LIMS4: variants seen among roughly 807,000 people sequenced by gnomAD.
LIMS4 encodes LIM and senescent cell antigen-like-containing domain protein 4.
the LIMS4 span, among the ~76,000 whole-genome samples, chr2:110,379,000 A>G: frequency 6.7e-6 from 1 of 148,262 alleles, no homozygotes; most frequent in African/African-American, 2.6e-5. Context: ...ACACACACAC[A>G]CAATTTATAC....
chr2:110,456,829 CT>C (rs1688286847), intron 3 of LIMS4, among the ~76,000 whole-genome samples, 200 bp downstream of exon 3: 1 of 104,410 alleles, frequency 9.6e-6, no homozygotes, highest in Middle Eastern at 3.4e-3. Flanking sequence ...ACTGGGATTA[CT>C]GGCACCTGCC....
chr2:110,391,199 G>A, the LIMS4 span, among the ~76,000 whole-genome samples: 1 of 151,404 alleles, frequency 6.6e-6, no homozygotes, highest in African/African-American at 2.5e-5. Context: ...TCCACTGTAT[G>A]ATGGCCCCAC....
the LIMS4 span, among the ~76,000 whole-genome samples, chr2:110,372,477 T>A: frequency 7.2e-6 from 1 of 138,298 alleles, no homozygotes; most frequent in Admixed American, 6.9e-5. Flanking sequence ...GGTGAGGACA[T>A]GGTCCTTGCA....
At chr2:110,424,780 G>A in the LIMS4 span, among the ~76,000 whole-genome samples, 1 of 143,946 alleles carries the variant, frequency 6.9e-6, no homozygotes, top group Non-Finnish European at 1.5e-5. Context: ...CAAGAGGATT[G>A]TAAAATGCAC....
chr2:110,396,169 T>C, the LIMS4 span, among the ~76,000 whole-genome samples: 1 of 94,656 alleles, frequency 1.1e-5, no homozygotes, highest in Non-Finnish European at 2.0e-5. Flanking sequence ...TCACTTTGAA[T>C]TGTCACAGCC....
chr2:110,424,521 C>T, the LIMS4 span, among the ~76,000 whole-genome samples: 247 of 143,558 alleles, frequency 1.7e-3, 9 homozygotes, highest in African/African-American at 6.5e-3. Flanking sequence ...AGCAGGTGGT[C>T]CTGGGCTCCT....
the LIMS4 span, among the ~76,000 whole-genome samples, chr2:110,392,319 G>A: frequency 3.2e-4 from 49 of 151,032 alleles, no homozygotes; most frequent in Non-Finnish European, 6.6e-4. Context: ...GGCGCCTGTG[G>A]TCCCAGCTAC....
At chr2:110,419,734 C>A in the LIMS4 span, among the ~76,000 whole-genome samples, 1 of 16,656 alleles carries the variant, frequency 6.0e-5, no homozygotes, top group Non-Finnish European at 8.8e-5. Context: ...CAGGTAAGAA[C>A]ATTAACATAA....
the LIMS4 span, among the ~76,000 whole-genome samples, chr2:110,379,102 T>C: frequency 6.7e-6 from 1 of 149,292 alleles, no homozygotes; most frequent in Admixed American, 6.6e-5. Context: ...GCTAAATTTA[T>C]TAATGTTGGC....
At chr2:110,425,113 C>T in the LIMS4 span, among the ~76,000 whole-genome samples, 1 of 142,360 alleles carries the variant, frequency 7.0e-6, no homozygotes, top group Admixed American at 6.9e-5. Flanking sequence ...AGGTCCATGG[C>T]TTCATTCTCG....
chr2:110,382,143 A>G, the LIMS4 span, among the ~76,000 whole-genome samples: 3 of 109,152 alleles, frequency 2.7e-5, no homozygotes, highest in East Asian at 7.9e-4. Context: ...ATATATATAT[A>G]TATATATACA....
the LIMS4 span, chr2:110,359,150 A>C: frequency 6.6e-6 from 1 of 150,394 alleles, no homozygotes; most frequent in Non-Finnish European, 1.5e-5. Flanking sequence ...TCCCACGTTT[A>C]TTTACATATG....
the LIMS4 span, among the ~76,000 whole-genome samples, chr2:110,365,853 A>G: frequency 6.8e-6 from 1 of 146,304 alleles, no homozygotes; most frequent in East Asian, 1.9e-4. Flanking sequence ...GACATTATCA[A>G]TGACCCTACA....
At chr2:110,367,728 A>G in the LIMS4 span, among the ~76,000 whole-genome samples, 2 of 147,140 alleles carry the variant, frequency 1.4e-5, no homozygotes. Flanking sequence ...AAAAATACGA[A>G]GAATTAGCTG....
the LIMS4 span, among the ~76,000 whole-genome samples, chr2:110,390,862 C>A: frequency 1.3e-5 from 2 of 152,270 alleles, no homozygotes; most frequent in African/African-American, 4.8e-5. Context: ...GGGAGCGGGA[C>A]CAAGCCACAA....
the LIMS4 span, among the ~76,000 whole-genome samples, chr2:110,425,190 G>A: frequency 7.0e-6 from 1 of 143,376 alleles, no homozygotes; most frequent in Non-Finnish European, 1.5e-5. Flanking sequence ...CCAAGAGTTT[G>A]ATACCTGCCT....
chr2:110,368,997 G>A, the LIMS4 span, among the ~76,000 whole-genome samples: 48 of 109,350 alleles, frequency 4.4e-4, no homozygotes, highest in South Asian at 1.0e-3. Flanking sequence ...GACCCACCAG[G>A]CCCATTGTGC....
the LIMS4 span, chr2:110,375,435 C>A: frequency 2.6e-5 from 1 of 37,800 alleles, no homozygotes; most frequent in East Asian, 1.0e-3. Flanking sequence ...CAGATCCAGA[C>A]CTCCTGAGCC....
the LIMS4 span, among the ~76,000 whole-genome samples, chr2:110,382,120 T>A: frequency 3.0e-4 from 26 of 87,718 alleles, no homozygotes; most frequent in African/African-American, 6.2e-4. Flanking sequence ...TATATATATA[T>A]ATATATATAT....
Sources: allele counts gnomAD v4.1 joint callset (sites outside exome capture counted in the v4.1 genomes callset), GRCh38; gene constraint gnomAD v4.1.1; transcripts MANE v1.5; gene names NCBI Gene and HGNC (gene_info 2026-07-23, HGNC 2026-07-21).